ANGPT1: variants seen among roughly 807,000 people sequenced by gnomAD.
The protein encoded by ANGPT1 is angiopoietin-1.
A neutral mutation model predicts 62.2 loss-of-function variants in ANGPT1; 17 were observed. The ratio of observed to expected loss-of-function variants is 0.27; its 90% confidence interval spans 0.19 to 0.41. The LOEUF (loss-of-function observed/expected upper bound fraction) is 0.41. ANGPT1 is among the 10% of genes least tolerant of loss of function. The probability of loss-of-function intolerance (pLI) is 1.00; values close to 1 mark genes in which losing one functional copy is unlikely to be tolerated. For synonymous variants in ANGPT1, 199 were observed against 198.9 expected (o/e 1.00, Z 0.00); for missense variants, 478 against 594.9 (o/e 0.80, Z 2.04).
intron 3 of ANGPT1, among the ~76,000 whole-genome samples, chr8:107,329,328 A>T (rs1265347539): frequency 3.3e-5 from 5 of 152,072 alleles, no homozygotes; most frequent in African/African-American, 9.7e-5. Flanking sequence ...ACAACTGTAT[A>T]TGCATGTATA....
chr8:107,336,387 C>T (rs927159046), intron 2 of ANGPT1, 116 bp from the exon 3 acceptor site: 15 of 1,396,928 alleles, frequency 1.1e-5, no homozygotes, highest in Admixed American at 6.2e-5. Context: ...GGTTTACCGC[C>T]GGGCGCAGTG....
intron 1 of ANGPT1, among the ~76,000 whole-genome samples, chr8:107,370,364 G>GAAAGAAAGAAAA (rs1816372371): frequency 3.1e-5 from 1 of 32,434 alleles, no homozygotes; most frequent in African/African-American, 5.5e-5. Flanking sequence ...AAGAAAGAAA[G>GAAAGAAAGAAAA]AAAGAAAGAA....
intron 1 of ANGPT1, among the ~76,000 whole-genome samples, chr8:107,385,637 G>A (rs1257315075): frequency 1.3e-5 from 2 of 151,766 alleles, no homozygotes; most frequent in African/African-American, 4.8e-5. Flanking sequence ...TTCCTTGCCT[G>A]ATTGCTCTGG....
At chr8:107,424,886 T>C (rs1356811617) in intron 1 of ANGPT1, among the ~76,000 whole-genome samples, 2 of 152,206 alleles carry the variant, frequency 1.3e-5, no homozygotes, top group Non-Finnish European at 2.9e-5. Flanking sequence ...TAAAAAAATA[T>C]TTTTCAAGAC....
At chr8:107,316,287 C>A (rs1586216628) in intron 4 of ANGPT1, among the ~76,000 whole-genome samples, 1 of 152,172 alleles carries the variant, frequency 6.6e-6, no homozygotes, top group East Asian at 1.9e-4. Context: ...CCTTCCCTGT[C>A]CAATATGGTG....
At chr8:107,322,737 A>G in intron 3 of ANGPT1, 1 of 329,750 alleles carries the variant, frequency 3.0e-6, no homozygotes, top group South Asian at 2.6e-5. Flanking sequence ...AAACTGTTGA[A>G]AATATTTTTA....
intron 1 of ANGPT1, among the ~76,000 whole-genome samples, chr8:107,480,640 C>A (rs1032539115): frequency 6.6e-6 from 1 of 152,294 alleles, no homozygotes; most frequent in African/African-American, 2.4e-5. Flanking sequence ...ACATCACAAT[C>A]ATTTCAATTT....
chr8:107,261,800 T>C (rs925025796), intron 8 of ANGPT1, among the ~76,000 whole-genome samples: 8 of 152,064 alleles, frequency 5.3e-5, no homozygotes, highest in South Asian at 4.1e-4. Context: ...TGGTATCATA[T>C]TGAAAAGATA....
At chr8:107,419,476 A>G (rs537228800) in intron 1 of ANGPT1, among the ~76,000 whole-genome samples, 1 of 152,250 alleles carries the variant, frequency 6.6e-6, no homozygotes, top group South Asian at 2.1e-4. Context: ...TTGTCCTCCA[A>G]TCACATTTTT....
At chr8:107,410,136 G>T (rs574157624) in intron 1 of ANGPT1, among the ~76,000 whole-genome samples, 20 of 152,290 alleles carry the variant, frequency 1.3e-4, no homozygotes, top group African/African-American at 4.6e-4. Flanking sequence ...GTGCAGGCCA[G>T]CCTGGACAAA....
At chr8:107,280,176 C>CA (rs1318099408) in intron 7 of ANGPT1, among the ~76,000 whole-genome samples, 1 of 151,890 alleles carries the variant, frequency 6.6e-6, no homozygotes, top group Non-Finnish European at 1.5e-5. Flanking sequence ...AAGAAGTAAT[C>CA]TTGGGTGATG....
intron 1 of ANGPT1, among the ~76,000 whole-genome samples, chr8:107,378,605 T>C (rs1586272305): frequency 6.6e-6 from 1 of 152,026 alleles, no homozygotes; most frequent in Non-Finnish European, 1.5e-5. Flanking sequence ...GTAATCCCCA[T>C]GTTTGGGGGT....
intron 5 of ANGPT1, 40 bp downstream of exon 5, chr8:107,303,200 A>G: frequency 1.2e-6 from 2 of 1,600,818 alleles, no homozygotes; most frequent in Non-Finnish European, 8.5e-7. Flanking sequence ...TTCAACTGGG[A>G]TCTGGCTTAC....
At chr8:107,253,631 T>C (rs1011570857) in intron 8 of ANGPT1, among the ~76,000 whole-genome samples, 4 of 152,206 alleles carry the variant, frequency 2.6e-5, no homozygotes, top group Non-Finnish European at 4.4e-5. Flanking sequence ...CAATGATTCA[T>C]AGAATTCTCT....
At chr8:107,382,537 G>GAA (rs5893855) in intron 1 of ANGPT1, among the ~76,000 whole-genome samples, 4 of 150,512 alleles carry the variant, frequency 2.7e-5, no homozygotes, top group Admixed American at 6.6e-5. Flanking sequence ...CTTTGAAAAA[G>GAA]AAAAAAAAAG....
chr8:107,256,035 T>C (rs183489765), intron 8 of ANGPT1, among the ~76,000 whole-genome samples: 1 of 152,348 alleles, frequency 6.6e-6, no homozygotes, highest in Non-Finnish European at 1.5e-5. Flanking sequence ...AAGTTCCTAA[T>C]TTTTTTAAAT....
intron 1 of ANGPT1, among the ~76,000 whole-genome samples, chr8:107,433,224 G>C (rs999065654): frequency 9.2e-5 from 14 of 152,134 alleles, no homozygotes; most frequent in African/African-American, 3.4e-4. Flanking sequence ...ATACCTGGGG[G>C]TAGAGAAGAC....
intron 1 of ANGPT1, among the ~76,000 whole-genome samples, chr8:107,393,783 C>G (rs1816880945): frequency 6.6e-6 from 1 of 152,162 alleles, no homozygotes; most frequent in Non-Finnish European, 1.5e-5. Context: ...GCACTCCAGC[C>G]TGGGCGGCTG....
chr8:107,444,458 T>G (rs1215953245), intron 1 of ANGPT1, among the ~76,000 whole-genome samples: 5 of 152,208 alleles, frequency 3.3e-5, no homozygotes, highest in African/African-American at 1.2e-4. Context: ...AACATGCAAA[T>G]GAGCTCAGCA....
Sources: allele counts gnomAD v4.1 joint callset (sites outside exome capture counted in the v4.1 genomes callset), GRCh38; gene constraint gnomAD v4.1.1; transcripts MANE v1.5; gene names NCBI Gene and HGNC (gene_info 2026-07-23, HGNC 2026-07-21).